Variants in ZNF334 observed in about 807,000 individuals in gnomAD.
ZNF334 encodes zinc finger protein 334.
Under a neutral mutation model 12.4 loss-of-function variants are expected in ZNF334, and 14 were observed. That is an observed-to-expected ratio of 1.13 (90% confidence interval 0.74 to 1.76). The LOEUF (loss-of-function observed/expected upper bound fraction) is 1.76. Among genes scored for constraint, ZNF334 ranks in the 40% most tolerant of loss-of-function variants. ZNF334 has a pLI of 0.00. For synonymous variants in ZNF334, 273 were observed against 269.6 expected (o/e 1.01, Z -0.12); for missense variants, 797 against 804.5 (o/e 0.99, Z 0.11).
chr20:46,464,131 T>A, the ZNF334 span: 1 of 561,470 alleles, frequency 1.8e-6, no homozygotes, highest in East Asian at 4.5e-5. Context: ...TCTCTGTGTA[T>A]CCTTTCTATG....
chr20:46,477,639 G>C, the ZNF334 span, among the ~76,000 whole-genome samples: 1 of 152,238 alleles, frequency 6.6e-6, no homozygotes, highest in African/African-American at 2.4e-5. Context: ...GGCTGGCCGA[G>C]AGCCTGGTCT....
the ZNF334 span, among the ~76,000 whole-genome samples, chr20:46,474,176 C>T: frequency 6.6e-6 from 1 of 152,032 alleles, no homozygotes; most frequent in African/African-American, 2.4e-5. Context: ...AATTCGAGAC[C>T]AGCCTGGCTG....
the ZNF334 span, among the ~76,000 whole-genome samples, chr20:46,467,729 T>C: frequency 6.6e-6 from 1 of 152,240 alleles, no homozygotes; most frequent in African/African-American, 2.4e-5. Flanking sequence ...TGAATTTTTT[T>C]AAAACCCTCT....
the ZNF334 span, chr20:46,464,512 A>C: frequency 2.1e-6 from 1 of 478,364 alleles, no homozygotes; most frequent in Non-Finnish European, 4.1e-6. Flanking sequence ...ACTGCACAGC[A>C]AATGAGAGCT....
At chr20:46,496,521 G>C (rs1311810126), downstream of ZNF334, among the ~76,000 whole-genome samples, 1 of 152,198 alleles carries the variant, frequency 6.6e-6, no homozygotes, top group Non-Finnish European at 1.5e-5. Context: ...AAAGCAGGAG[G>C]GTGGTGCCTT....
At chr20:46,491,565 A>C in the ZNF334 span, 1 of 153,062 alleles carries the variant, frequency 6.5e-6, no homozygotes, top group Admixed American at 6.5e-5. Context: ...ACTGGAGAGA[A>C]GCCCTTTTCA....
the ZNF334 span, among the ~76,000 whole-genome samples, chr20:46,469,104 T>A: frequency 6.6e-6 from 1 of 152,176 alleles, no homozygotes; most frequent in Non-Finnish European, 1.5e-5. Context: ...AACAAAAACA[T>A]GTACTCATTT....
chr20:46,509,505 GTGGGTCAGCACA>G (rs1250235600), intron 2 of ZNF334: 12 of 693,468 alleles, frequency 1.7e-5, no homozygotes, highest in Non-Finnish European at 2.9e-5. Context: ...GGGTCAGCAC[GTGGGTCAGCACA>G]TGGGACATCT....
chr20:46,505,251 G>A (rs1008863604), intron 2 of ZNF334: 4 of 152,270 alleles, frequency 2.6e-5, no homozygotes, highest in African/African-American at 9.6e-5. Flanking sequence ...TCTCTCCACA[G>A]GAAAGGTTAG....
At chr20:46,481,891 T>C in the ZNF334 span, among the ~76,000 whole-genome samples, 1 of 152,176 alleles carries the variant, frequency 6.6e-6, no homozygotes, top group Non-Finnish European at 1.5e-5. Context: ...CCCTGGAAGC[T>C]GTGAATGTGT....
chr20:46,473,367 T>C, the ZNF334 span, among the ~76,000 whole-genome samples: 1 of 152,218 alleles, frequency 6.6e-6, no homozygotes, highest in Non-Finnish European at 1.5e-5. Flanking sequence ...TGCTATTTGG[T>C]ATTTCTTTGT....
At chr20:46,508,838 A>G (rs2061535775) in intron 2 of ZNF334, among the ~76,000 whole-genome samples, 1 of 152,246 alleles carries the variant, frequency 6.6e-6, no homozygotes, top group Non-Finnish European at 1.5e-5. Flanking sequence ...ATCTGAGCCT[A>G]GAACCTTATT....
the ZNF334 span, among the ~76,000 whole-genome samples, chr20:46,470,205 G>A: frequency 2.6e-5 from 4 of 152,180 alleles, no homozygotes; most frequent in African/African-American, 9.7e-5. Context: ...TATGAGCTGA[G>A]GCTGAAGCCT....
the ZNF334 span, among the ~76,000 whole-genome samples, chr20:46,472,806 G>T: frequency 6.6e-6 from 1 of 152,202 alleles, no homozygotes; most frequent in Non-Finnish European, 1.5e-5. Context: ...CTGACTGCAC[G>T]GGGGCAAGGG....
At chr20:46,469,861 A>T in the ZNF334 span, among the ~76,000 whole-genome samples, 3 of 152,068 alleles carry the variant, frequency 2.0e-5, no homozygotes. Flanking sequence ...TACACCCTTA[A>T]GCAAACTGAT....
chr20:46,503,485 T>G (rs560846199), intron 4 of ZNF334, among the ~76,000 whole-genome samples: 54 of 152,306 alleles, frequency 3.5e-4, no homozygotes, highest in Admixed American at 6.5e-4. Context: ...AAGAGTCAAG[T>G]AAGCACTTAG....
At chr20:46,497,831 C>G (rs972620083), downstream of ZNF334, among the ~76,000 whole-genome samples, 1 of 152,254 alleles carries the variant, frequency 6.6e-6, no homozygotes, top group Non-Finnish European at 1.5e-5. Context: ...TCACAAACTT[C>G]TGTCACATCA....
chr20:46,469,413 G>T, the ZNF334 span, among the ~76,000 whole-genome samples: 1 of 150,058 alleles, frequency 6.7e-6, no homozygotes. Context: ...CTGTCGCCCA[G>T]GCTGGAGTGC....
At chr20:46,479,146 G>A in the ZNF334 span, among the ~76,000 whole-genome samples, 1 of 152,160 alleles carries the variant, frequency 6.6e-6, no homozygotes, top group Non-Finnish European at 1.5e-5. Context: ...CAAGGTGCTG[G>A]AGAGACTGTG....
Sources: gnomAD v4.1 joint callset for allele counts (sites outside exome capture counted in the v4.1 genomes callset) on GRCh38, gnomAD v4.1.1 for gene constraint, MANE v1.5 for transcripts, NCBI Gene and HGNC (gene_info 2026-07-23, HGNC 2026-07-21) for gene names.